TMEM8B: variants seen among roughly 807,000 people sequenced by gnomAD.
TMEM8B encodes transmembrane protein 8B, also known as nasopharyngeal carcinoma expressed 6.
Under a neutral mutation model 49.3 loss-of-function variants are expected in TMEM8B, and 29 were observed. That is an observed-to-expected ratio of 0.59 (90% CI 0.44 to 0.80). The LOEUF (loss-of-function observed/expected upper bound fraction) is 0.80. Ranked by LOEUF, TMEM8B falls within the 30% of genes least tolerant of loss-of-function variation. The pLI, the probability that TMEM8B is intolerant of heterozygous loss-of-function variation, is 0.00. For missense variants in TMEM8B, 575 were observed against 658.5 expected (o/e 0.87, Z 1.39); for synonymous variants, 264 against 272.8 (o/e 0.97, Z 0.32).
chr9:35,850,213 A>G, intron 10 of TMEM8B, among the ~76,000 whole-genome samples: 1 of 152,254 alleles, frequency 6.6e-6, no homozygotes, highest in East Asian at 1.9e-4. Context: ...CCCATTTTGG[A>G]GCATTAGATG....
rs1832658250 is a variant in TMEM8B at position 35,861,793 on chromosome 9, A to G, written c.*7953A>G. The stretch of plus-strand genomic sequence containing the variant: ...GGCTGGATGGAGGATGGCATCCATC[A>G]TCAGCTACAGGTGCCTCCTCTATCT... On this transcript the variant is annotated 3_prime_UTR_variant, in exon 13 of 13. Transcript: ENST00000643932. The G allele has an allele frequency of 6.6e-6, 1 of 152,240 alleles. No homozygotes were observed. Among genetic ancestry groups the G allele is most frequent in the African/African-American group, 2.4e-5 (1 of 41,448 alleles). The allele number at this position is 152,240 out of a possible 1,614,324, so 9.4% of individuals were successfully genotyped here. A position where few individuals can be genotyped will look rare whatever the true frequency, so the allele number is the denominator to read the frequency against.
intron 3 of TMEM8B, among the ~76,000 whole-genome samples, chr9:35,839,565 G>A (rs898689861): frequency 6.6e-6 from 1 of 152,210 alleles, no homozygotes; most frequent in African/African-American, 2.4e-5. Flanking sequence ...AACAGGTCAT[G>A]TCCACTGATC....
intron 10 of TMEM8B, among the ~76,000 whole-genome samples, chr9:35,847,717 A>C (rs1831746183): frequency 1.3e-5 from 2 of 152,308 alleles, no homozygotes; most frequent in African/African-American, 4.8e-5. Context: ...ATTTTGATGA[A>C]GATTAATATA....
At chr9:35,846,101 G>T (rs1396674558) in intron 7 of TMEM8B, 33 bp downstream of exon 7, 1 of 1,612,584 alleles carries the variant, frequency 6.2e-7, no homozygotes, top group Admixed American at 1.7e-5. Flanking sequence ...AGAGGAAGCT[G>T]CAGTGTGGGG....
intron 10 of TMEM8B, 114 bp from the exon 11 acceptor site, chr9:35,852,713 C>A: frequency 8.0e-7 from 1 of 1,255,994 alleles, no homozygotes; most frequent in South Asian, 1.3e-5. Flanking sequence ...CATCTGTGAC[C>A]TTTCACCTCT....
chr9:35,852,556 C>T (rs1832241893), intron 10 of TMEM8B, among the ~76,000 whole-genome samples: 2 of 152,228 alleles, frequency 1.3e-5, no homozygotes, highest in South Asian at 2.1e-4. Context: ...GCAGGGCACT[C>T]TCCACAGCAC....
intron 6 of TMEM8B, chr9:35,845,530 C>T (rs1001927547): frequency 2.6e-5 from 26 of 985,342 alleles, no homozygotes; most frequent in Non-Finnish European, 3.1e-5. Flanking sequence ...AGGATCATTT[C>T]ACCTGAGTTG....
At position 35,857,087 on chromosome 9, in the gene TMEM8B, G is replaced by A. The variant is rs1039386168; in HGVS notation, c.*3247G>A. 3.3e-5 allele frequency: 5 copies of A among 152,238 alleles called. No homozygotes were observed. Among genetic ancestry groups the A allele is most frequent in the African/African-American group, 1.2e-4 (5 of 41,436 alleles). 9.4% of individuals were successfully genotyped at this position (152,238 alleles called of 1,614,324 possible). A position where few individuals can be genotyped will look rare whatever the true frequency, so the allele number is the denominator to read the frequency against. ...TACCCTTGCATGTATCTGTACATAC[G>A]ACTGGACTGAGACCCCTGAGCACTT... On this transcript the variant is annotated 3_prime_UTR_variant, in exon 13 of 13. Coordinates refer to ENST00000643932, the MANE Select transcript of TMEM8B (RefSeq NM_001042590.4).
At position 35,856,161 on chromosome 9, in the gene TMEM8B, G is replaced by C. The variant is rs1588196094; in HGVS notation, c.*2321G>C. The C allele has an allele frequency of 6.6e-6, 1 of 152,360 alleles. No homozygotes were observed. Among genetic ancestry groups the C allele is most frequent in the Middle Eastern group, 3.4e-3 (1 of 294 alleles). 9.4% of individuals were successfully genotyped at this position (152,360 alleles called of 1,614,324 possible). A position where few individuals can be genotyped will look rare whatever the true frequency, so the allele number is the denominator to read the frequency against. ...GGGAGAGTGTTCTTTGTGGTCACCAGTGTCCACATGGCATCCCTTCCCTGA... is the reference window on the plus strand; with the variant it reads ...GGGAGAGTGTTCTTTGTGGTCACCACTGTCCACATGGCATCCCTTCCCTGA... On this transcript the variant is annotated 3_prime_UTR_variant, in exon 13 of 13. Transcript: ENST00000643932.
At chr9:35,836,368 T>C (rs1009965245) in intron 3 of TMEM8B, among the ~76,000 whole-genome samples, 2 of 152,238 alleles carry the variant, frequency 1.3e-5, no homozygotes, top group Non-Finnish European at 2.9e-5. Flanking sequence ...AGGGTTCTTC[T>C]GTTAGAAGGA....
chr9:35,850,080 C>G (rs539319999), intron 10 of TMEM8B, among the ~76,000 whole-genome samples: 1 of 152,268 alleles, frequency 6.6e-6, no homozygotes, highest in African/African-American at 2.4e-5. Flanking sequence ...TAACTGTTTC[C>G]AAGAGAAAAT....
In TMEM8B at chr9:35,862,753, G is replaced by A. The variant is rs1449604108; in HGVS notation, c.*8913G>A. ...TGTCTCGTGCAGCCTTCTCTCAGATGGCTTCATAAAACTGACCACCCGGAC... is the reference window on the plus strand; with the variant it reads ...TGTCTCGTGCAGCCTTCTCTCAGATAGCTTCATAAAACTGACCACCCGGAC... On this transcript the variant is annotated 3_prime_UTR_variant, in exon 13 of 13. Coordinates refer to ENST00000643932, the MANE Select transcript of TMEM8B (RefSeq NM_001042590.4). 1.3e-5 allele frequency: 2 copies of A among 152,170 alleles called. No homozygotes were observed. The highest frequency in any genetic ancestry group is 2.9e-5 in the Non-Finnish European group (2 of 68,058). 9.4% of individuals were successfully genotyped at this position (152,170 alleles called of 1,614,324 possible).
intron 6 of TMEM8B, among the ~76,000 whole-genome samples, chr9:35,844,871 C>A (rs1004249827): frequency 2.6e-5 from 4 of 152,186 alleles, no homozygotes; most frequent in African/African-American, 9.7e-5. Flanking sequence ...AGCACCTCAG[C>A]CTGTTCTGTT....
In TMEM8B at chr9:35,857,018, C is replaced by A. The variant is rs1832562718; in HGVS notation, c.*3178C>A. On this transcript the variant is annotated 3_prime_UTR_variant, in exon 13 of 13. Coordinates refer to ENST00000643932, the MANE Select transcript of TMEM8B (RefSeq NM_001042590.4). ...GGGAGATCCCAAGATTCAAACAGCC[C>A]TTCCTTGCCTTGAATACAGGGCTGT... 6.6e-6 allele frequency: 1 copy of A among 152,240 alleles called. No homozygotes were observed. The highest frequency in any genetic ancestry group is 2.4e-5 in the African/African-American group (1 of 41,450). 9.4% of individuals were successfully genotyped at this position (152,240 alleles called of 1,614,324 possible).
chr9:35,846,437 G>C (rs747066310), intron 8 of TMEM8B, 32 bp from the exon 9 acceptor site: 1 of 1,595,752 alleles, frequency 6.3e-7, no homozygotes, highest in East Asian at 2.3e-5. Flanking sequence ...GGGGTGGCCC[G>C]GGGCCCCAGG....
At chr9:35,843,831 C>T (rs1040781094) in intron 6 of TMEM8B, among the ~76,000 whole-genome samples, 1 of 151,280 alleles carries the variant, frequency 6.6e-6, no homozygotes, top group Non-Finnish European at 1.5e-5. Flanking sequence ...GGTGTGATCT[C>T]GGCTCACTGC....
intron 9 of TMEM8B, 67 bp downstream of exon 9, chr9:35,846,678 GC>G: frequency 6.4e-7 from 1 of 1,554,772 alleles, no homozygotes; most frequent in South Asian, 1.2e-5. Context: ...CTGTGGGCAG[GC>G]GGCGGGAGTA....
intron 1 of TMEM8B, chr9:35,833,394 C>G: frequency 2.0e-6 from 2 of 984,820 alleles, no homozygotes; most frequent in Non-Finnish European, 2.4e-6. Context: ...CAGTCAGATT[C>G]CCTAGAGGTT....
At chr9:35,850,134 T>G (rs1275816564) in intron 10 of TMEM8B, among the ~76,000 whole-genome samples, 1 of 152,212 alleles carries the variant, frequency 6.6e-6, no homozygotes, top group East Asian at 1.9e-4. Flanking sequence ...CAAGTTCCAT[T>G]ATATTCCAAT....
Sources: gnomAD v4.1 joint callset for allele counts (sites outside exome capture counted in the v4.1 genomes callset) on GRCh38, gnomAD v4.1.1 for gene constraint, MANE v1.5 for transcripts, NCBI Gene and HGNC (gene_info 2026-07-23, HGNC 2026-07-21) for gene names.